ZBTB16: variants seen among roughly 807,000 people sequenced by gnomAD.
The protein encoded by ZBTB16 is zinc finger and BTB domain containing 16, also known as zinc finger and BTB domain-containing protein 16.
ZBTB16 carries 8 observed loss-of-function variants against 56.8 expected under a neutral mutation model. The observed-to-expected ratio is 0.14, with a 90% CI of 0.08 to 0.25. The LOEUF (loss-of-function observed/expected upper bound fraction) is 0.25. Among genes scored for constraint, ZBTB16 ranks in the 10% least tolerant of loss-of-function variants. The pLI is 1.00. For synonymous variants in ZBTB16, 363 were observed against 368.5 expected, an observed-to-expected ratio of 0.98 and a Z score of 0.17; for missense variants, 625 against 903.0, an observed-to-expected ratio of 0.69 and a Z score of 3.95.
intron 6 of ZBTB16, among the ~76,000 whole-genome samples, chr11:114,249,687 C>G (rs1486783556): frequency 7.0e-6 from 1 of 142,412 alleles, no homozygotes; most frequent in Non-Finnish European, 1.5e-5. Flanking sequence ...ATGGCGTGAA[C>G]CCGGGAAGCG....
chr11:114,091,918 A>T lies in ZBTB16; in HGVS notation c.1268+27350A>T, dbSNP rs571180313. Among the ~76,000 whole-genome samples, 16 of 152,276 alleles carry T rather than the reference A, an allele frequency of 1.1e-4. No individual in the cohort carries two copies. The East Asian group carries it at 2.3e-3, about 22-fold the overall frequency. On this transcript the variant is annotated intron_variant, in intron 2 of 6. Coordinates refer to ENST00000335953, the MANE Select transcript of ZBTB16 (RefSeq NM_006006.6). Reference sequence around the variant, plus strand: ...ACAAGTGCTTTGATGCTTACGAGTCATTGGAATGACCAGGCCTGTGCGCCC... The same window carrying T: ...ACAAGTGCTTTGATGCTTACGAGTCTTTGGAATGACCAGGCCTGTGCGCCC...
intron 2 of ZBTB16, among the ~76,000 whole-genome samples, chr11:114,095,245 C>CTTTTCTTT (rs1555132749): frequency 3.1e-4 from 28 of 90,458 alleles, no homozygotes; most frequent in African/African-American, 1.1e-3. Flanking sequence ...CTTTTCTTTT[C>CTTTTCTTT]TTTTTTTTTT....
At chr11:114,157,182 C>T (rs1001049000) in intron 3 of ZBTB16, among the ~76,000 whole-genome samples, 2 of 152,150 alleles carry the variant, frequency 1.3e-5, no homozygotes, top group African/African-American at 4.8e-5. Context: ...GTCTTGTCTT[C>T]TCCTCATGTA....
chr11:114,185,932 TCC>T (rs1425775091), intron 3 of ZBTB16, among the ~76,000 whole-genome samples: 1 of 152,252 alleles, frequency 6.6e-6, no homozygotes, highest in Non-Finnish European at 1.5e-5. Flanking sequence ...TTTTATTTAT[TCC>T]ACAAATATGT....
intron 2 of ZBTB16, among the ~76,000 whole-genome samples, chr11:114,120,696 A>T (rs968693820): frequency 1.3e-5 from 2 of 152,172 alleles, no homozygotes; most frequent in African/African-American, 4.8e-5. Flanking sequence ...GTATTTACTT[A>T]AGCTGAATAC....
At chr11:114,099,793 G>A (rs545036103) in intron 2 of ZBTB16, among the ~76,000 whole-genome samples, 4 of 150,560 alleles carry the variant, frequency 2.7e-5, no homozygotes, top group African/African-American at 9.6e-5. Flanking sequence ...AAGGGATTCA[G>A]TAGAAAAAAA....
rs566775 is a variant in ZBTB16, at chr11:114,254,538, C to T, written c.*3983C>T. Among the ~76,000 whole-genome samples the T allele has an allele frequency of 0.14, 21,287 of 152,150 alleles. 1,836 individuals carry two copies. Among genetic ancestry groups the T allele is most frequent in the Admixed American group, 0.2 (3,053 of 15,286 alleles). ...AGAGAGCAGAGGTGGGGCAGCCTTT[C>T]GACTCTGTCCATGACGGCTGGCAGG... On this transcript the variant is annotated 3_prime_UTR_variant, in exon 7 of 7. Transcript: ENST00000335953.
chr11:114,158,782 A>G (rs117802568), intron 3 of ZBTB16, among the ~76,000 whole-genome samples: 1 of 152,164 alleles, frequency 6.6e-6, no homozygotes. Flanking sequence ...CTAACATGTC[A>G]TGGGGTTAGA....
At chr11:114,207,231 T>C (rs1260376549) in intron 4 of ZBTB16, among the ~76,000 whole-genome samples, 1 of 152,090 alleles carries the variant, frequency 6.6e-6, no homozygotes, top group African/African-American at 2.4e-5. Flanking sequence ...AGTGAAATCA[T>C]TTAGAGGAAC....
At chr11:114,062,976 G>A (rs1044234560) in intron 1 of ZBTB16, among the ~76,000 whole-genome samples, 2 of 152,120 alleles carry the variant, frequency 1.3e-5, no homozygotes, top group Non-Finnish European at 1.5e-5. Flanking sequence ...AGTGAATTAG[G>A]CATCTGCTGT....
intron 2 of ZBTB16, among the ~76,000 whole-genome samples, chr11:114,119,153 T>C (rs887763640): frequency 6.8e-6 from 1 of 146,966 alleles, no homozygotes; most frequent in African/African-American, 2.5e-5. Flanking sequence ...TAGTCCCAGA[T>C]ACCTGAGAGG....
chr11:114,179,297 A>AGAGAGC (rs760077168), intron 3 of ZBTB16, among the ~76,000 whole-genome samples: 1 of 152,050 alleles, frequency 6.6e-6, no homozygotes, highest in Non-Finnish European at 1.5e-5. Context: ...AGAGAGAGAG[A>AGAGAGC]GAGCCTTCAA....
In ZBTB16 at chr11:114,087,019, A is replaced by C. The variant is rs117669265; in HGVS notation, c.1268+22451A>C. 8.7e-4 allele frequency among the ~76,000 whole-genome samples: 133 copies of C among 152,152 alleles called. No individual in the cohort carries two copies. In the East Asian group the frequency reaches 0.024, roughly 27 times the overall value. ...GAACTCCCTCCCTAGGGTCAGTGCC[A>C]TGTGGTGCCTGGAACTCCCTGGGAT... is the stretch of plus-strand genomic sequence containing the variant. On this transcript the variant is annotated intron_variant, in intron 2 of 6. Transcript: ENST00000335953.
chr11:114,124,041 G>T (rs1941419868), intron 2 of ZBTB16, among the ~76,000 whole-genome samples: 1 of 151,648 alleles, frequency 6.6e-6, no homozygotes. Flanking sequence ...GGTTTCAGCA[G>T]ATGTATTCTG....
At chr11:114,169,771 CT>C (rs1218256227) in intron 3 of ZBTB16, among the ~76,000 whole-genome samples, 1 of 152,176 alleles carries the variant, frequency 6.6e-6, no homozygotes, top group African/African-American at 2.4e-5. Flanking sequence ...TGGGGAGAAG[CT>C]CCTAAGAACC....
At chr11:114,120,977 C>G (rs1200493848) in intron 2 of ZBTB16, among the ~76,000 whole-genome samples, 1 of 152,114 alleles carries the variant, frequency 6.6e-6, no homozygotes, top group South Asian at 2.1e-4. Context: ...ACTCTGGAGT[C>G]GGTCTGCATA....
chr11:114,080,294 A>G (rs1211050798), intron 2 of ZBTB16, among the ~76,000 whole-genome samples: 2 of 152,186 alleles, frequency 1.3e-5, no homozygotes, highest in Non-Finnish European at 1.5e-5. Flanking sequence ...GGAGAGAGGA[A>G]TGTTTGCTTT....
chr11:114,236,874 C>G (rs931075684), intron 4 of ZBTB16, among the ~76,000 whole-genome samples: 5 of 152,172 alleles, frequency 3.3e-5, no homozygotes, highest in Non-Finnish European at 7.3e-5. Context: ...AAAATAAATG[C>G]AATACAGGGC....
At chr11:114,097,093 A>T (rs1483688011) in intron 2 of ZBTB16, among the ~76,000 whole-genome samples, 1 of 152,252 alleles carries the variant, frequency 6.6e-6, no homozygotes, top group South Asian at 2.1e-4. Context: ...TGGTATATAC[A>T]TATAGTGGAA....
Sources: allele counts gnomAD v4.1 joint callset (sites outside exome capture counted in the v4.1 genomes callset), GRCh38; gene constraint gnomAD v4.1.1; transcripts MANE v1.5; gene names NCBI Gene and HGNC (gene_info 2026-07-23, HGNC 2026-07-21).